The following NSG2 variants were observed in gnomAD, a reference collection of about 807,000 sequenced individuals.
NSG2 encodes neuronal vesicle trafficking-associated protein 2.
Under a neutral mutation model 16.9 loss-of-function variants are expected in NSG2, and 4 were observed. The observed-to-expected ratio is 0.24, with a 90% CI of 0.12 to 0.54. The LOEUF is 0.54. NSG2 is among the 20% of genes least tolerant of loss of function. NSG2 has a pLI of 0.95. For missense variants in NSG2, 179 were observed against 221.1 expected, an observed-to-expected ratio of 0.81 and a Z score of 1.21; for synonymous variants, 98 against 88.7, an observed-to-expected ratio of 1.11 and a Z score of -0.59.
intron 3 of NSG2, among the ~76,000 whole-genome samples, chr5:174,093,551 G>T (rs1464874601): frequency 6.6e-6 from 1 of 152,168 alleles, no homozygotes; most frequent in Non-Finnish European, 1.5e-5. Flanking sequence ...AAGAACCCAG[G>T]TGTCATCTGG....
At chr5:174,050,539 T>C (rs1185915096) in intron 2 of NSG2, among the ~76,000 whole-genome samples, 4 of 152,152 alleles carry the variant, frequency 2.6e-5, no homozygotes, top group African/African-American at 7.2e-5. Flanking sequence ...ACTTTACAGA[T>C]GAAGAGTGGA....
intron 2 of NSG2, among the ~76,000 whole-genome samples, chr5:174,049,231 T>A (rs1459353638): frequency 1.3e-5 from 2 of 152,052 alleles, no homozygotes; most frequent in Admixed American, 6.5e-5. Context: ...TCCCAGCTAC[T>A]TGGGAGGCTG....
chr5:174,106,583 CTTTTTTTTTTTTTTTTTTT>C (rs752375646), intron 4 of NSG2, among the ~76,000 whole-genome samples: 1 of 93,470 alleles, frequency 1.1e-5, no homozygotes, highest in African/African-American at 4.3e-5. Context: ...GGAATGAAGC[CTTTTTTTTTTTTTTTTTTT>C]TTTTTTTTTT....
chr5:174,051,261 G>A (rs750365097), intron 2 of NSG2, among the ~76,000 whole-genome samples: 20 of 151,990 alleles, frequency 1.3e-4, no homozygotes, highest in Non-Finnish European at 2.2e-4. Context: ...CCTGCCCCTG[G>A]GTAGAATTAT....
chr5:174,079,937 T>C (rs1471610628), intron 3 of NSG2, among the ~76,000 whole-genome samples: 1 of 152,220 alleles, frequency 6.6e-6, no homozygotes, highest in Non-Finnish European at 1.5e-5. Flanking sequence ...TGATTGTGTT[T>C]TATATGTTAC....
intron 3 of NSG2, among the ~76,000 whole-genome samples, chr5:174,066,487 A>G (rs11950847): frequency 0.013 from 1,936 of 152,354 alleles, 48 homozygotes; most frequent in African/African-American, 0.045. Flanking sequence ...GATTTCATAA[A>G]TGAGAACACA....
At chr5:174,047,250 G>T (rs866725214) in intron 2 of NSG2, among the ~76,000 whole-genome samples, 25 of 152,248 alleles carry the variant, frequency 1.6e-4, no homozygotes, top group Non-Finnish European at 7.4e-5. Flanking sequence ...GAGGACAGAG[G>T]ATTGGATTCA....
chr5:174,105,045 A>G (rs1026894009), intron 4 of NSG2, among the ~76,000 whole-genome samples: 2 of 152,216 alleles, frequency 1.3e-5, no homozygotes, highest in East Asian at 1.9e-4. Context: ...TATAATTACC[A>G]TTTGCTGAGT....
chr5:174,088,819 A>T (rs1760675045), intron 3 of NSG2, among the ~76,000 whole-genome samples: 1 of 152,192 alleles, frequency 6.6e-6, no homozygotes, highest in African/African-American at 2.4e-5. Flanking sequence ...CCAGAAAGTG[A>T]TGGGTGGGAA....
chr5:174,060,734 G>A lies in NSG2; in HGVS notation c.130-3498G>A, dbSNP rs531877336. Among the ~76,000 whole-genome samples the A allele has an allele frequency of 2.6e-5, 4 of 152,238 alleles. No homozygotes were observed. The East Asian group carries it at 5.8e-4, about 22-fold the overall frequency. On this transcript the variant is annotated intron_variant, in intron 2 of 4. Transcript: ENST00000303177. ...TTCTTTCAAGCTCATTGAGGCTGTC[G>A]ACAGATTTCAGTTCCTTGTGGTTGG... is the stretch of plus-strand genomic sequence containing the variant.
At chr5:174,077,431 G>A (rs1388363735) in intron 3 of NSG2, among the ~76,000 whole-genome samples, 1 of 152,022 alleles carries the variant, frequency 6.6e-6, no homozygotes, top group Non-Finnish European at 1.5e-5. Context: ...TTGGTCTCTC[G>A]AGCCTGTCTC....
At chr5:174,105,177 T>C (rs2113481177) in intron 4 of NSG2, among the ~76,000 whole-genome samples, 1 of 152,360 alleles carries the variant, frequency 6.6e-6, no homozygotes, top group East Asian at 1.9e-4. Flanking sequence ...GAATTAAATG[T>C]AGAGAGTGTT....
At chr5:174,071,810 T>C (rs1760247450) in intron 3 of NSG2, among the ~76,000 whole-genome samples, 1 of 152,164 alleles carries the variant, frequency 6.6e-6, no homozygotes, top group Non-Finnish European at 1.5e-5. Flanking sequence ...CTGGGCCACC[T>C]GCCCGGGTAG....
chr5:174,073,959 C>T (rs1760289139), intron 3 of NSG2, among the ~76,000 whole-genome samples: 1 of 152,154 alleles, frequency 6.6e-6, no homozygotes, highest in Non-Finnish European at 1.5e-5. Flanking sequence ...AACTCACACC[C>T]ACTCCTGAGA....
intron 3 of NSG2, among the ~76,000 whole-genome samples, chr5:174,088,277 G>A (rs566585520): frequency 1.1e-4 from 16 of 152,296 alleles, no homozygotes; most frequent in Admixed American, 4.6e-4. Flanking sequence ...GTTCAAAGTC[G>A]CACAGGTGGT....
chr5:174,076,531 A>G (rs150964148), intron 3 of NSG2, among the ~76,000 whole-genome samples: 8 of 152,230 alleles, frequency 5.3e-5, no homozygotes, highest in African/African-American at 1.7e-4. Flanking sequence ...TTTACTTTAT[A>G]TTGCATTTCT....
intron 2 of NSG2, among the ~76,000 whole-genome samples, chr5:174,063,771 A>G (rs139920618): frequency 1.4e-3 from 212 of 152,216 alleles, no homozygotes; most frequent in Non-Finnish European, 2.3e-3. Context: ...GAGGCAACCT[A>G]AACGTGTAAC....
At chr5:174,064,974 G>A (rs964401064) in intron 3 of NSG2, among the ~76,000 whole-genome samples, 4 of 152,210 alleles carry the variant, frequency 2.6e-5, no homozygotes, top group African/African-American at 9.6e-5. Flanking sequence ...AGGCCCTGAG[G>A]CAGGAAGGAG....
intron 2 of NSG2, among the ~76,000 whole-genome samples, chr5:174,063,703 C>T (rs1760093879): frequency 1.3e-5 from 2 of 152,038 alleles, no homozygotes; most frequent in South Asian, 4.1e-4. Flanking sequence ...CCTCCATCCC[C>T]TCCATTTATC....
Sources: gnomAD v4.1 joint callset for allele counts (sites outside exome capture counted in the v4.1 genomes callset) on GRCh38, gnomAD v4.1.1 for gene constraint, MANE v1.5 for transcripts, NCBI Gene and HGNC (gene_info 2026-07-23, HGNC 2026-07-21) for gene names.